The following STOX2 variants were observed in gnomAD, a reference collection of about 807,000 sequenced individuals.
STOX2 encodes the protein storkhead-box protein 2.
In STOX2, 28 loss-of-function variants were observed where a neutral mutation model predicts 60.9. The observed-to-expected ratio is 0.46, with a 90% CI of 0.34 to 0.63. The LOEUF (loss-of-function observed/expected upper bound fraction) is 0.63. Among genes scored for constraint, STOX2 ranks in the 30% least tolerant of loss-of-function variants. STOX2 has a pLI of 0.01. For missense variants in STOX2, 1,024 were observed against 1,187.7 expected, an observed-to-expected ratio of 0.86 and a Z score of 2.03; for synonymous variants, 472 against 463.9, an observed-to-expected ratio of 1.02 and a Z score of -0.22.
intron 1 of STOX2, among the ~76,000 whole-genome samples, chr4:183,850,792 C>T (rs1308466297): frequency 6.6e-6 from 1 of 150,914 alleles, no homozygotes; most frequent in Non-Finnish European, 1.5e-5. Flanking sequence ...ATTCTTTCAT[C>T]ATGTGACAAA....
At chr4:183,854,669 T>C (rs978008139) in intron 1 of STOX2, among the ~76,000 whole-genome samples, 3 of 152,222 alleles carry the variant, frequency 2.0e-5, no homozygotes, top group African/African-American at 7.2e-5. Context: ...AGGTAAATTA[T>C]TTGACATCTC....
At position 184,010,357 on chromosome 4, in the gene STOX2, G is replaced by A. The variant is rs1393444214; in HGVS notation, c.1519G>A (p.Gly507Arg). ...AGGCCCTCTGGGTGCTTCTTCTCTAGGGACGCCGGAAGACCTTGCTGAAGG... is the reference window on the plus strand; with the variant it reads ...AGGCCCTCTGGGTGCTTCTTCTCTAAGGACGCCGGAAGACCTTGCTGAAGG... ...SKGPLGASSL[G>R]TPEDLAEGCS... Residue 507 changes from glycine (G) to arginine (R), a missense_variant, in exon 3 of 4, where the codon GGG becomes AGG. Around this residue, in one of 3 missense-constraint regions of STOX2, gnomAD observed 922 missense variants for 1,058.3 expected, o/e 0.87. Transcript: ENST00000308497. This position sits in a 1 kb window ranked among gnomAD's most constrained non-coding sequence, Gnocchi z 4.5. 3.1e-6 allele frequency: 5 copies of A among 1,611,588 alleles called. No individual in the cohort carries two copies. The African/African-American group carries it at 6.7e-5, about 22-fold the overall frequency.
At chr4:183,857,266 G>A (rs1231498825) in intron 1 of STOX2, among the ~76,000 whole-genome samples, 7 of 124,752 alleles carry the variant, frequency 5.6e-5, no homozygotes, top group African/African-American at 1.7e-4. Context: ...TGGTTATCCT[G>A]CAGGACTGGT....
At chr4:183,951,079 G>A (rs544804098) in intron 1 of STOX2, among the ~76,000 whole-genome samples, 98 of 151,964 alleles carry the variant, frequency 6.4e-4, no homozygotes, top group African/African-American at 2.0e-3. Context: ...AGCCGGGCGT[G>A]GTGGCGGGCG....
chr4:183,902,417 G>A (rs985086173), upstream of STOX2, among the ~76,000 whole-genome samples: 3 of 152,120 alleles, frequency 2.0e-5, no homozygotes, highest in East Asian at 1.9e-4. Context: ...TTAAAAGCCC[G>A]ATTAAATAAT....
chr4:184,003,247 G>A (rs1246117343), intron 2 of STOX2, among the ~76,000 whole-genome samples: 2 of 152,108 alleles, frequency 1.3e-5, no homozygotes, highest in Admixed American at 6.5e-5. Flanking sequence ...GAAATCACAC[G>A]GCTTTTCTGA....
chr4:183,929,885 A>G (rs374038682), intron 1 of STOX2, among the ~76,000 whole-genome samples: 45 of 142,538 alleles, frequency 3.2e-4, no homozygotes, highest in African/African-American at 1.3e-3. Flanking sequence ...CTTCTTTGAG[A>G]CGGAGTCTCA....
At chr4:183,860,775 C>T (rs1740420336) in intron 1 of STOX2, among the ~76,000 whole-genome samples, 1 of 152,090 alleles carries the variant, frequency 6.6e-6, no homozygotes, top group Non-Finnish European at 1.5e-5. Flanking sequence ...GGGCCTGACA[C>T]CTTTATGAAA....
intron 1 of STOX2, among the ~76,000 whole-genome samples, chr4:183,876,912 C>T (rs1476366402): frequency 2.0e-5 from 3 of 152,208 alleles, no homozygotes; most frequent in Non-Finnish European, 4.4e-5. Flanking sequence ...GAACGGTTGA[C>T]AGTAGTTCCT....
At chr4:183,976,337 C>T (rs1181560425) in intron 1 of STOX2, among the ~76,000 whole-genome samples, 2 of 152,006 alleles carry the variant, frequency 1.3e-5, no homozygotes, top group African/African-American at 4.8e-5. Context: ...AAAAGAAAAT[C>T]AGTCAATGTA....
Position 183,856,633 on chromosome 4 carries a change from A to G in STOX2, c.364+58578A>G, listed in dbSNP as rs75213745. 0.015 allele frequency among the ~76,000 whole-genome samples: 2,275 copies of G among 152,290 alleles called. 63 individuals are homozygous for G. The highest frequency in any genetic ancestry group is 0.052 in the African/African-American group (2,167 of 41,556). ...TAATGGTAGGGTGGTTCATGTGAAC[A>G]TCGCTTTGCAGTTAGCTGTCTCGGA... On this transcript the variant is annotated intron_variant, in intron 1 of 2. Transcript: ENST00000513034. The surrounding 1 kb of genome is among the most constrained non-coding windows in gnomAD (Gnocchi z 4.0).
At chr4:183,831,029 G>A (rs1341940979) in intron 1 of STOX2, among the ~76,000 whole-genome samples, 1 of 151,716 alleles carries the variant, frequency 6.6e-6, no homozygotes, top group Non-Finnish European at 1.5e-5. Flanking sequence ...GTTAGTCCTC[G>A]GCGGAGATGG....
In STOX2 at chr4:184,019,716, G is replaced by C. The variant is rs1269251040; in HGVS notation, c.*2432G>C. ...GACCAGCAGCCATTAGTGTAGAAAT[G>C]ATGGACTTTAAAGGTGATACCATGT... On this transcript the variant is annotated 3_prime_UTR_variant, in exon 4 of 4. Coordinates refer to ENST00000308497, the MANE Select transcript of STOX2 (RefSeq NM_020225.3). 2.6e-5 allele frequency: 4 copies of C among 152,218 alleles called. No homozygotes were observed. The highest frequency in any genetic ancestry group is 6.5e-5 in the Admixed American group (1 of 15,278). 9.4% of individuals were successfully genotyped at this position (152,218 alleles called of 1,614,324 possible).
chr4:183,984,281 T>C (rs1355986318), intron 1 of STOX2, among the ~76,000 whole-genome samples: 2 of 152,246 alleles, frequency 1.3e-5, no homozygotes, highest in Non-Finnish European at 2.9e-5. Flanking sequence ...GGCCTTTCCG[T>C]GGAAGCCATT....
intron 1 of STOX2, among the ~76,000 whole-genome samples, chr4:183,868,552 A>T (rs985711101): frequency 1.3e-5 from 2 of 152,232 alleles, no homozygotes; most frequent in Non-Finnish European, 2.9e-5. Flanking sequence ...GAATGTCCCG[A>T]CTTGAGTGAA....
rs1734179496 is a variant in STOX2, at chr4:184,011,655, C to A, written c.2585+232C>A. 17 of 1,492,140 alleles carry A rather than the reference C, an allele frequency of 1.1e-5. No homozygotes were observed. Among genetic ancestry groups the A allele is most frequent in the African/African-American group, 2.8e-5 (2 of 71,722 alleles). The allele number at this position is 1,492,140 out of a possible 1,614,324, so 92.4% of individuals were successfully genotyped here. ...GGACTGGTGGGTTGGCTCCTCCCCT[C>A]AAACTTGCATCAGTCTGATCTAACT... On this transcript the variant is annotated intron_variant, in intron 3 of 3. Coordinates refer to ENST00000308497, the MANE Select transcript of STOX2 (RefSeq NM_020225.3). The surrounding 1 kb of genome is among the most constrained non-coding windows in gnomAD (Gnocchi z 4.4).
At chr4:183,935,269 G>T (rs1346884659) in intron 1 of STOX2, among the ~76,000 whole-genome samples, 1 of 152,202 alleles carries the variant, frequency 6.6e-6, no homozygotes, top group African/African-American at 2.4e-5. Context: ...AAGTACCAGA[G>T]GCACTCTCTC....
intron 1 of STOX2, among the ~76,000 whole-genome samples, chr4:183,935,482 C>T (rs1473929434): frequency 6.6e-6 from 1 of 152,134 alleles, no homozygotes; most frequent in African/African-American, 2.4e-5. Flanking sequence ...CAGAAAGAGT[C>T]AAAGGGAAAC....
rs200880627 is a variant in STOX2, at chr4:183,824,478, C to CT, written c.364+26424dup. 5.9e-3 allele frequency among the ~76,000 whole-genome samples: 897 copies of CT among 152,264 alleles called. 11 individuals carry two copies. Among genetic ancestry groups the CT allele is most frequent in the Middle Eastern group, 0.017 (5 of 294 alleles). On this transcript the variant is annotated intron_variant, in intron 1 of 2. Coordinates refer to the STOX2 transcript ENST00000513034. Reference sequence around the variant, plus strand: ...GAACGGCCAGCCATCTGGATGAACTCTGAGAGCTTCTCAAATAAACAGCCA... The same window carrying CT: ...GAACGGCCAGCCATCTGGATGAACTCTTGAGAGCTTCTCAAATAAACAGCCA...
Sources: allele counts gnomAD v4.1 joint callset (sites outside exome capture counted in the v4.1 genomes callset), GRCh38; gene constraint gnomAD v4.1.1; regional missense constraint gnomAD v4.1.1; non-coding constraint Gnocchi (gnomAD v3.1); transcripts MANE v1.5; gene names NCBI Gene and HGNC (gene_info 2026-07-23, HGNC 2026-07-21).